Variants in ADGRA1 observed in about 807,000 individuals in gnomAD.
The protein encoded by ADGRA1 is G-protein coupled receptor 123.
ADGRA1 carries 12 observed loss-of-function variants against 21.3 expected under a neutral mutation model. The ratio of observed to expected loss-of-function variants is 0.56; its 90% CI spans 0.36 to 0.91. ADGRA1 has a LOEUF of 0.91. ADGRA1 is among the 40% of genes least tolerant of loss of function. The probability of loss-of-function intolerance (pLI) is 0.01; values close to 1 mark genes in which losing one functional copy is unlikely to be tolerated. For missense variants in ADGRA1, 790 were observed against 805.6 expected (o/e 0.98, Z 0.23); for synonymous variants, 385 against 368.8 (o/e 1.04, Z -0.50).
chr10:133,098,381 G>A (rs1320113493), intron 3 of ADGRA1, among the ~76,000 whole-genome samples: 1 of 152,306 alleles, frequency 6.6e-6, no homozygotes, highest in East Asian at 1.9e-4. Context: ...CAAGGGATTA[G>A]GTTGTTCAGG....
At chr10:133,103,129 G>A (rs58625273) in intron 5 of ADGRA1, among the ~76,000 whole-genome samples, 19,496 of 152,076 alleles carry the variant, frequency 0.13, 1,542 homozygotes, top group Non-Finnish European at 0.16. Context: ...TGAGGCAGGC[G>A]GTGCCCTGCC....
chr10:133,117,079 A>G (rs1018599392), intron 5 of ADGRA1, among the ~76,000 whole-genome samples: 1 of 152,122 alleles, frequency 6.6e-6, no homozygotes, highest in East Asian at 1.9e-4. Flanking sequence ...ATGGAGGCAC[A>G]GGCAGAAGGG....
chr10:133,088,478 T>C (rs1682641212), intron 1 of ADGRA1: 1 of 170,072 alleles, frequency 5.9e-6, no homozygotes, highest in African/African-American at 2.4e-5. Context: ...GGGCGCAGAT[T>C]GATTTTTAAA....
rs566615141 is a variant in ADGRA1 at position 133,114,479 on chromosome 10, T to C, written c.401+11637T>C. Among the ~76,000 whole-genome samples the C allele has an allele frequency of 3.9e-5, 6 of 152,284 alleles. No homozygotes were observed. In the East Asian group the frequency reaches 9.6e-4, roughly 24 times the overall value. On this transcript the variant is annotated intron_variant, in intron 5 of 6. Coordinates refer to ENST00000392607, the MANE Select transcript of ADGRA1 (RefSeq NM_001083909.3). ...GGTGCCGTCTGCAGGGTACAGCTGG[T>C]GCCCAGGACAGTGGCCCTGTCCTTC...
At position 133,088,834 on chromosome 10, in the gene ADGRA1, G is replaced by T. The variant is rs1851548827; in HGVS notation, c.-76G>T. 1.6e-6 allele frequency: 2 copies of T among 1,235,630 alleles called. No individual in the cohort carries two copies. The highest frequency in any genetic ancestry group is 2.0e-6 in the Non-Finnish European group (2 of 987,996). The allele number at this position is 1,235,630 out of a possible 1,614,324, so 76.5% of individuals were successfully genotyped here. A position where few individuals can be genotyped will look rare whatever the true frequency, so the allele number is the denominator to read the frequency against. ...CAGAGGCCATGGAGGCTGGCGGGGA[G>T]CAGGGCGCCACCTGATCGCCTCCCC... On this transcript the variant is annotated 5_prime_UTR_variant, in exon 2 of 7. Transcript: ENST00000392607.
chr10:133,131,403 C>T lies in ADGRA1; in HGVS notation c.*1892C>T, dbSNP rs1852524174. 1 of 152,304 alleles carries T rather than the reference C, an allele frequency of 6.6e-6. No homozygotes were observed. Among genetic ancestry groups the T allele is most frequent in the African/African-American group, 2.4e-5 (1 of 41,458 alleles). 9.4% of individuals were successfully genotyped at this position (152,304 alleles called of 1,614,324 possible). A position where few individuals can be genotyped will look rare whatever the true frequency, so the allele number is the denominator to read the frequency against. On this transcript the variant is annotated 3_prime_UTR_variant, in exon 7 of 7. Transcript: ENST00000392607. ...CGCACTGTAGGTGCAGAACCGTCCA[C>T]ACAAAAATACAGTCTTGGCATTGTT... is the stretch of plus-strand genomic sequence containing the variant.
At chr10:133,125,939 C>T (rs766164096) in intron 5 of ADGRA1, among the ~76,000 whole-genome samples, 28 of 152,350 alleles carry the variant, frequency 1.8e-4, no homozygotes, top group Non-Finnish European at 4.0e-4. Context: ...TGCTAAAGTT[C>T]TCTCTTTAAA....
rs1851545954 is a variant in ADGRA1, at chr10:133,088,692, G to T, written c.-202-16G>T. On this transcript the variant is annotated splice_polypyrimidine_tract_variant and intron_variant, in intron 1 of 6. Coordinates refer to ENST00000392607, the MANE Select transcript of ADGRA1 (RefSeq NM_001083909.3). ...GGACCCTCCGCCCGCCCCGCTGACCGCCGCTGTCTTCACAGATGGGAGCAG... is the reference window on the plus strand; with the variant it reads ...GGACCCTCCGCCCGCCCCGCTGACCTCCGCTGTCTTCACAGATGGGAGCAG... The T allele has an allele frequency of 8.2e-7, 1 of 1,224,466 alleles. No homozygotes were observed. The highest frequency in any genetic ancestry group is 1.0e-6 in the Non-Finnish European group (1 of 983,274). The allele number at this position is 1,224,466 out of a possible 1,614,324, so 75.9% of individuals were successfully genotyped here. A position where few individuals can be genotyped will look rare whatever the true frequency, so the allele number is the denominator to read the frequency against.
rs1465854010 is a variant in ADGRA1, at chr10:133,129,522, A to G, written c.*11A>G. The G allele has an allele frequency of 6.4e-7, 1 of 1,571,694 alleles. No individual in the cohort carries two copies. Among genetic ancestry groups the G allele is most frequent in the Admixed American group, 1.7e-5 (1 of 58,048 alleles). On this transcript the variant is annotated 3_prime_UTR_variant, in exon 7 of 7. Coordinates refer to ENST00000392607, the MANE Select transcript of ADGRA1 (RefSeq NM_001083909.3). ...GAAACTACTGTGTAGATGGGGGCAGAGGACACGGTGTTCCTGGAGGAGCTT... is the reference window on the plus strand; with the variant it reads ...GAAACTACTGTGTAGATGGGGGCAGGGGACACGGTGTTCCTGGAGGAGCTT...
chr10:133,124,259 CGGCTCTGCACCCTCCCT>C (rs1852333402), intron 5 of ADGRA1, among the ~76,000 whole-genome samples: 1 of 151,242 alleles, frequency 6.6e-6, no homozygotes, highest in Non-Finnish European at 1.5e-5. Flanking sequence ...GCACCCTCCC[CGGCTCTGCACCCTCCCT>C]GGCCAGGCCA....
chr10:133,106,760 GC>G (rs1396690071), intron 5 of ADGRA1, among the ~76,000 whole-genome samples: 1 of 152,240 alleles, frequency 6.6e-6, no homozygotes. Flanking sequence ...CTGGGGGAAG[GC>G]CATCGAGGCC....
At chr10:133,110,904 C>T (rs1379451144) in intron 5 of ADGRA1, among the ~76,000 whole-genome samples, 1 of 152,144 alleles carries the variant, frequency 6.6e-6, no homozygotes, top group Non-Finnish European at 1.5e-5. Flanking sequence ...GACACAGGTG[C>T]TGCTGGATAA....
rs200568078 is a variant in ADGRA1, at chr10:133,111,929, C to CCA, written c.401+9088_401+9089insAC. Among the ~76,000 whole-genome samples, 42 of 61,922 alleles carry CCA rather than the reference C, an allele frequency of 6.8e-4. 10 individuals are homozygous for CCA. The highest frequency in any genetic ancestry group is 8.8e-3 in the Middle Eastern group (1 of 114). The allele number at this position is 61,922 out of a possible 152,430, so 40.6% of individuals were successfully genotyped here. A position where few individuals can be genotyped will look rare whatever the true frequency, so the allele number is the denominator to read the frequency against. Reference sequence around the variant, plus strand: ...CTAATGCCTCCAGACCACCTGCCCGCCGTGAGCACCTCCCTCCTAATCCCT... The same window carrying CCA: ...CTAATGCCTCCAGACCACCTGCCCGCCACGTGAGCACCTCCCTCCTAATCCCT... On this transcript the variant is annotated intron_variant, in intron 5 of 6. Coordinates refer to ENST00000392607, the MANE Select transcript of ADGRA1 (RefSeq NM_001083909.3).
In ADGRA1 at chr10:133,131,536, G is replaced by T. The variant is rs574278027; in HGVS notation, c.*2025G>T. ...CCCCGTCTGTGTCCTGGATCCTGGG[G>T]CAGGGCTGCTCTCCCTGGCCCCTGC... is the stretch of plus-strand genomic sequence containing the variant. On this transcript the variant is annotated 3_prime_UTR_variant, in exon 7 of 7. Coordinates refer to ENST00000392607, the MANE Select transcript of ADGRA1 (RefSeq NM_001083909.3). The T allele has an allele frequency of 6.6e-6, 1 of 152,560 alleles. No homozygotes were observed. Among genetic ancestry groups the T allele is most frequent in the African/African-American group, 2.4e-5 (1 of 41,558 alleles). The allele number at this position is 152,560 out of a possible 1,614,324, so 9.5% of individuals were successfully genotyped here.
intron 5 of ADGRA1, among the ~76,000 whole-genome samples, chr10:133,110,577 C>G (rs1851970249): frequency 6.6e-6 from 1 of 152,172 alleles, no homozygotes; most frequent in African/African-American, 2.4e-5. Flanking sequence ...CTTGGATCTG[C>G]CATTTCTAAC....
chr10:133,109,909 C>T (rs1433160174), intron 5 of ADGRA1, among the ~76,000 whole-genome samples: 1 of 152,226 alleles, frequency 6.6e-6, no homozygotes, highest in African/African-American at 2.4e-5. Flanking sequence ...TCAGGCCCCA[C>T]GGCCTCTGCA....
At position 133,088,129 on chromosome 10, in the gene ADGRA1, G is replaced by T; in HGVS notation, c.-212G>T. On this transcript the variant is annotated 5_prime_UTR_variant, in exon 1 of 7. Transcript: ENST00000392607. Reference sequence around the variant, plus strand: ...CCCGGCCGCCCCGGCAGCCGCTTCGGCCACAGCAGGTGGGAAGGACGCGCG... The same window carrying T: ...CCCGGCCGCCCCGGCAGCCGCTTCGTCCACAGCAGGTGGGAAGGACGCGCG... The T allele has an allele frequency of 1.0e-6, 1 of 984,744 alleles. No individual in the cohort carries two copies. The highest frequency in any genetic ancestry group is 1.2e-6 in the Non-Finnish European group (1 of 829,390). 61.0% of individuals were successfully genotyped at this position (984,744 alleles called of 1,614,324 possible).
chr10:133,088,224 G>A (rs1406318583), intron 1 of ADGRA1, 86 bp downstream of exon 1: 1 of 527,840 alleles, frequency 1.9e-6, no homozygotes, highest in East Asian at 1.5e-4. Flanking sequence ...AGGTGACACT[G>A]GCCGCGAGGA....
At chr10:133,111,750 CA>C (rs1852013405) in intron 5 of ADGRA1, among the ~76,000 whole-genome samples, 2 of 139,312 alleles carry the variant, frequency 1.4e-5, no homozygotes, top group Non-Finnish European at 3.0e-5. Context: ...TCCCACCAGA[CA>C]ACCTGCCCGC....
Sources: gnomAD v4.1 joint callset for allele counts (sites outside exome capture counted in the v4.1 genomes callset) on GRCh38, gnomAD v4.1.1 for gene constraint, MANE v1.5 for transcripts, NCBI Gene and HGNC (gene_info 2026-07-23, HGNC 2026-07-21) for gene names.